MEOX2: variants seen among roughly 807,000 people sequenced by gnomAD.
The protein encoded by MEOX2 is mesenchyme homeobox 2, also known as homeobox protein MOX-2.
MEOX2 carries 11 observed loss-of-function variants against 27.0 expected under a neutral mutation model. The ratio of observed to expected loss-of-function variants is 0.41; its 90% CI spans 0.26 to 0.68. MEOX2 has a LOEUF of 0.68. MEOX2 is among the 30% of genes least tolerant of loss of function. MEOX2 has a pLI of 0.33. For synonymous variants in MEOX2, 189 were observed against 155.4 expected, an observed-to-expected ratio of 1.22 and a Z score of -1.61; for missense variants, 436 against 385.4, an observed-to-expected ratio of 1.13 and a Z score of -1.10.
At chr7:15,675,675 T>C (rs1782181845) in intron 1 of MEOX2, among the ~76,000 whole-genome samples, 1 of 152,204 alleles carries the variant, frequency 6.6e-6, no homozygotes, top group African/African-American at 2.4e-5. Flanking sequence ...TCTTGATTAT[T>C]TTGATTCTAA....
intron 1 of MEOX2, among the ~76,000 whole-genome samples, chr7:15,666,075 G>T (rs920918398): frequency 2.0e-5 from 3 of 152,082 alleles, no homozygotes; most frequent in African/African-American, 7.2e-5. Context: ...GGTATTAACA[G>T]CTCTCAAGAT....
intron 1 of MEOX2, among the ~76,000 whole-genome samples, chr7:15,661,012 C>CAAAAAAAA (rs71004402): frequency 8.8e-4 from 39 of 44,308 alleles, no homozygotes; most frequent in African/African-American, 1.3e-3. Flanking sequence ...GACTCAGTCT[C>CAAAAAAAA]AAAAAAAAAA....
intron 1 of MEOX2, among the ~76,000 whole-genome samples, chr7:15,682,180 C>G (rs566523250): frequency 1.3e-5 from 2 of 151,792 alleles, no homozygotes; most frequent in South Asian, 4.2e-4. Context: ...TCACTTTAAT[C>G]TTCAAGATCC....
chr7:15,615,049 A>T (rs1330460339), intron 2 of MEOX2, among the ~76,000 whole-genome samples: 1 of 152,170 alleles, frequency 6.6e-6, no homozygotes, highest in Admixed American at 6.5e-5. Flanking sequence ...AAGAAAAAAT[A>T]GTACAAAAAA....
At chr7:15,668,181 C>T (rs897596290) in intron 1 of MEOX2, 1 of 152,206 alleles carries the variant, frequency 6.6e-6, no homozygotes, top group Non-Finnish European at 1.5e-5. Flanking sequence ...TCTTCCGCCT[C>T]TCCTACCTGA....
intron 1 of MEOX2, chr7:15,680,758 C>A (rs534189866): frequency 1.3e-5 from 2 of 151,960 alleles, no homozygotes; most frequent in South Asian, 4.1e-4. Context: ...ATTGTGACTA[C>A]AAAATGTGTC....
chr7:15,619,349 A>G (rs1230176240), intron 2 of MEOX2, among the ~76,000 whole-genome samples: 3 of 151,974 alleles, frequency 2.0e-5, no homozygotes, highest in African/African-American at 7.2e-5. Context: ...CTAAGTGATG[A>G]TGCTGTGATG....
intron 1 of MEOX2, among the ~76,000 whole-genome samples, 174 bp downstream of exon 1, chr7:15,685,712 C>G (rs1473223527): frequency 6.6e-6 from 1 of 152,216 alleles, no homozygotes; most frequent in African/African-American, 2.4e-5. Flanking sequence ...AAACACGTGT[C>G]CCCAAATATC....
At chr7:15,677,085 C>T (rs947299137) in intron 1 of MEOX2, among the ~76,000 whole-genome samples, 5 of 152,068 alleles carry the variant, frequency 3.3e-5, no homozygotes, top group African/African-American at 4.8e-5. Context: ...AAATTTCATG[C>T]CGTTTACAAT....
chr7:15,641,035 G>C (rs556374391), intron 1 of MEOX2, among the ~76,000 whole-genome samples: 2 of 151,994 alleles, frequency 1.3e-5, no homozygotes, highest in South Asian at 2.1e-4. Flanking sequence ...TATCGTGGTA[G>C]GATGAGTTAG....
intron 2 of MEOX2, among the ~76,000 whole-genome samples, chr7:15,614,616 G>T (rs1781094464): frequency 6.6e-6 from 1 of 151,938 alleles, no homozygotes; most frequent in Non-Finnish European, 1.5e-5. Flanking sequence ...TTCCATATAT[G>T]CATAGCTTTA....
chr7:15,663,950 GAT>G (rs1226631189), intron 1 of MEOX2, among the ~76,000 whole-genome samples: 7 of 152,174 alleles, frequency 4.6e-5, no homozygotes, highest in Non-Finnish European at 7.4e-5. Context: ...TAGACAGACA[GAT>G]AGATGATAGA....
intron 1 of MEOX2, among the ~76,000 whole-genome samples, chr7:15,658,601 C>A (rs762071688): frequency 6.6e-6 from 1 of 152,128 alleles, no homozygotes; most frequent in East Asian, 1.9e-4. Context: ...GTATCTTCCC[C>A]CAGTACGTAT....
chr7:15,672,849 G>A (rs1251320639), intron 1 of MEOX2, among the ~76,000 whole-genome samples: 4 of 151,032 alleles, frequency 2.6e-5, no homozygotes, highest in Non-Finnish European at 5.9e-5. Flanking sequence ...CCGAGATCGT[G>A]CCACCGCACT....
At chr7:15,669,116 C>T (rs1185456597) in intron 1 of MEOX2, among the ~76,000 whole-genome samples, 1 of 152,198 alleles carries the variant, frequency 6.6e-6, no homozygotes, top group Non-Finnish European at 1.5e-5. Context: ...ACACCAATGA[C>T]ACCAATATCG....
chr7:15,683,865 T>G, intron 1 of MEOX2, among the ~76,000 whole-genome samples: 1 of 152,194 alleles, frequency 6.6e-6, no homozygotes, highest in East Asian at 1.9e-4. Context: ...TAATAATTTA[T>G]GTAGCTGACA....
intron 1 of MEOX2, among the ~76,000 whole-genome samples, chr7:15,633,673 T>C (rs1013599365): frequency 6.6e-6 from 1 of 151,950 alleles, no homozygotes; most frequent in Non-Finnish European, 1.5e-5. Context: ...TTCTGAGCCA[T>C]TTCTTTAGCA....
chr7:15,649,419 G>T (rs1781701310), intron 1 of MEOX2, among the ~76,000 whole-genome samples: 1 of 151,990 alleles, frequency 6.6e-6, no homozygotes, highest in African/African-American at 2.4e-5. Context: ...AGAGATAGAA[G>T]CATCTATGGA....
rs1406584974 is a variant in MEOX2, at chr7:15,686,516, A to T, written c.-114T>A. 18 of 930,476 alleles carry T rather than the reference A, an allele frequency of 1.9e-5. No individual in the cohort carries two copies. The highest frequency in any genetic ancestry group is 2.7e-5 in the Non-Finnish European group (17 of 627,198). The allele number at this position is 930,476 out of a possible 1,614,324, so 57.6% of individuals were successfully genotyped here. A position where few individuals can be genotyped will look rare whatever the true frequency, so the allele number is the denominator to read the frequency against. On this transcript the variant is annotated 5_prime_UTR_variant, in exon 1 of 3. Coordinates refer to ENST00000262041, the MANE Select transcript of MEOX2 (RefSeq NM_005924.5). The stretch of plus-strand genomic sequence containing the variant: ...GATTTTTTTTTTAACCTCCCAAAGC[A>T]ATAGCGGTGCACTTCTGCAGAGCTC...
Sources: allele counts gnomAD v4.1 joint callset (sites outside exome capture counted in the v4.1 genomes callset), GRCh38; gene constraint gnomAD v4.1.1; transcripts MANE v1.5; gene names NCBI Gene and HGNC (gene_info 2026-07-23, HGNC 2026-07-21).